The following PTPRR variants were observed in gnomAD, a reference collection of about 807,000 sequenced individuals.
PTPRR encodes the protein receptor-type tyrosine-protein phosphatase R.
In PTPRR, 38 loss-of-function variants were observed where a neutral mutation model predicts 77.2. The ratio of observed to expected loss-of-function variants is 0.49; its 90% CI spans 0.38 to 0.65. The LOEUF (loss-of-function observed/expected upper bound fraction) is 0.65. Ranked by LOEUF, PTPRR falls within the 30% of genes least tolerant of loss-of-function variation. The pLI, the probability that PTPRR is intolerant of heterozygous loss-of-function variation, is 0.00. For missense variants in PTPRR, 744 were observed against 799.2 expected (o/e 0.93, Z 0.83); for synonymous variants, 299 against 283.1 (o/e 1.06, Z -0.57).
intron 1 of PTPRR, among the ~76,000 whole-genome samples, chr12:70,897,227 T>C (rs2137121974): frequency 6.6e-6 from 1 of 151,770 alleles, no homozygotes; most frequent in African/African-American, 2.4e-5. Flanking sequence ...ACCTACAAAA[T>C]GGGAGAAAAT....
intron 6 of PTPRR, among the ~76,000 whole-genome samples, chr12:70,703,672 CA>C (rs1271331414): frequency 3.9e-5 from 6 of 152,172 alleles, no homozygotes; most frequent in Non-Finnish European, 7.3e-5. Context: ...TGTGAGAATT[CA>C]GCTTTTGCAA....
At chr12:70,676,937 AT>A (rs1192973503) in intron 10 of PTPRR, among the ~76,000 whole-genome samples, 1 of 151,414 alleles carries the variant, frequency 6.6e-6, no homozygotes, top group Non-Finnish European at 1.5e-5. Flanking sequence ...AGGATTAAAA[AT>A]TTTTTTCCAT....
intron 2 of PTPRR, among the ~76,000 whole-genome samples, chr12:70,875,179 A>G (rs1893030034): frequency 1.3e-5 from 2 of 152,152 alleles, no homozygotes; most frequent in South Asian, 4.1e-4. Flanking sequence ...ATTGAGTAGG[A>G]AAGTTTTCCC....
At chr12:70,701,517 G>C (rs970382601) in intron 6 of PTPRR, among the ~76,000 whole-genome samples, 194 bp from the exon 7 acceptor site, 2 of 152,132 alleles carry the variant, frequency 1.3e-5, no homozygotes, top group Non-Finnish European at 2.9e-5. Flanking sequence ...CAATTTTGTT[G>C]TTGGAAAGAA....
At chr12:70,899,148 G>GA (rs1016536610) in intron 1 of PTPRR, among the ~76,000 whole-genome samples, 16 of 151,308 alleles carry the variant, frequency 1.1e-4, no homozygotes, top group African/African-American at 3.9e-4. Flanking sequence ...AACACTTAAA[G>GA]AAAAAATAAC....
At chr12:70,653,681 G>A (rs771400477) in intron 13 of PTPRR, among the ~76,000 whole-genome samples, 2 of 152,134 alleles carry the variant, frequency 1.3e-5, no homozygotes, top group Admixed American at 6.6e-5. Context: ...TTTCACATAG[G>A]TCATATCATC....
Position 70,874,920 on chromosome 12 carries a change from CAAAAAAA to C in PTPRR, c.357+17752_357+17758del, listed in dbSNP as rs34592534. 6.5e-5 allele frequency among the ~76,000 whole-genome samples: 5 copies of C among 76,830 alleles called. No individual in the cohort carries two copies. The Admixed American group carries it at 6.7e-4, about 10-fold the overall frequency. 50.4% of individuals were successfully genotyped at this position (76,830 alleles called of 152,430 possible). ...CCAGTGACAGAGTGAGACTCCATCT[CAAAAAAA>C]AAAAAAAAAAAAAAATAGCAACCTC... On this transcript the variant is annotated intron_variant, in intron 2 of 13. Coordinates refer to ENST00000283228, the MANE Select transcript of PTPRR (RefSeq NM_002849.4).
rs963701270 is a variant in PTPRR, at chr12:70,862,269, C to T, written c.357+30410G>A. On this transcript the variant is annotated intron_variant, in intron 2 of 13. Coordinates refer to ENST00000283228, the MANE Select transcript of PTPRR (RefSeq NM_002849.4). ...TAACCTACTTGAGTCTCAGTTTCCTCATATATACCATGAAGATAAGGGTAC... is the reference window on the plus strand; with the variant it reads ...TAACCTACTTGAGTCTCAGTTTCCTTATATATACCATGAAGATAAGGGTAC... Among the ~76,000 whole-genome samples the T allele has an allele frequency of 2.0e-5, 3 of 152,166 alleles. No homozygotes were observed. The South Asian group carries it at 6.2e-4, about 32-fold the overall frequency.
At chr12:70,841,591 C>CT (rs998747433) in intron 2 of PTPRR, among the ~76,000 whole-genome samples, 2 of 151,958 alleles carry the variant, frequency 1.3e-5, no homozygotes, top group Non-Finnish European at 2.9e-5. Flanking sequence ...AGTAAGAAAA[C>CT]TTTTTTCATA....
chr12:70,757,254 T>C (rs945223713), intron 4 of PTPRR, among the ~76,000 whole-genome samples: 2 of 152,218 alleles, frequency 1.3e-5, no homozygotes, highest in Non-Finnish European at 2.9e-5. Flanking sequence ...CATTGGACTT[T>C]TATTTAAAGA....
At chr12:70,650,892 C>T (rs544483339) in intron 13 of PTPRR, among the ~76,000 whole-genome samples, 1 of 152,304 alleles carries the variant, frequency 6.6e-6, no homozygotes, top group East Asian at 1.9e-4. Context: ...TTCAAGGGAT[C>T]GTGACCAGTG....
intron 2 of PTPRR, among the ~76,000 whole-genome samples, chr12:70,778,683 A>G (rs1050936719): frequency 2.0e-5 from 3 of 151,474 alleles, no homozygotes; most frequent in African/African-American, 7.3e-5. Flanking sequence ...TGTGATTTCA[A>G]TTTCTCTAAT....
At chr12:70,763,136 C>CT (rs201540697) in intron 3 of PTPRR, among the ~76,000 whole-genome samples, 9,967 of 149,782 alleles carry the variant, frequency 0.067, 355 homozygotes, top group Admixed American at 0.086. Flanking sequence ...GACTTTTTTT[C>CT]TTTTTTTTTG....
chr12:70,879,981 TGGCCCTCA>T (rs1346826534), intron 2 of PTPRR, among the ~76,000 whole-genome samples: 1 of 152,208 alleles, frequency 6.6e-6, no homozygotes, highest in African/African-American at 2.4e-5. Context: ...ACCACAATTT[TGGCCCTCA>T]GCTTTTTAGC....
At chr12:70,918,536 C>T (rs1286925287) in intron 1 of PTPRR, among the ~76,000 whole-genome samples, 2 of 152,078 alleles carry the variant, frequency 1.3e-5, no homozygotes, top group East Asian at 1.9e-4. Flanking sequence ...GGGCTACAGG[C>T]TTCTAGGTTT....
chr12:70,642,369 T>C (rs543057896), intron 13 of PTPRR, among the ~76,000 whole-genome samples: 63 of 152,232 alleles, frequency 4.1e-4, no homozygotes, highest in Non-Finnish European at 7.8e-4. Flanking sequence ...AATGCTCTTG[T>C]TTACTGGATC....
At chr12:70,642,549 A>G (rs1886045064) in intron 13 of PTPRR, among the ~76,000 whole-genome samples, 1 of 152,184 alleles carries the variant, frequency 6.6e-6, no homozygotes, top group Admixed American at 6.5e-5. Context: ...GATATATACT[A>G]TCTAATCCCA....
chr12:70,813,019 C>T (rs756716035), intron 2 of PTPRR, among the ~76,000 whole-genome samples: 27 of 152,138 alleles, frequency 1.8e-4, no homozygotes, highest in Admixed American at 1.1e-3. Flanking sequence ...TAGAACTCTC[C>T]GACATAATTT....
chr12:70,837,737 A>G (rs761444856), intron 2 of PTPRR, among the ~76,000 whole-genome samples: 3 of 152,056 alleles, frequency 2.0e-5, no homozygotes, highest in Admixed American at 6.6e-5. Context: ...TTACAAAGGC[A>G]TGATGATTAA....
Sources: gnomAD v4.1 joint callset for allele counts (sites outside exome capture counted in the v4.1 genomes callset) on GRCh38, gnomAD v4.1.1 for gene constraint, MANE v1.5 for transcripts, NCBI Gene and HGNC (gene_info 2026-07-23, HGNC 2026-07-21) for gene names.